STON2: variants seen among roughly 807,000 people sequenced by gnomAD.
STON2 encodes the protein stonin-2.
In STON2, 29 loss-of-function variants were observed where a neutral mutation model predicts 65.7. That is an observed-to-expected ratio of 0.44 (90% CI 0.33 to 0.60). The LOEUF (loss-of-function observed/expected upper bound fraction) is 0.60. Among genes scored for constraint, STON2 ranks in the 20% least tolerant of loss-of-function variants. The probability of loss-of-function intolerance (pLI) is 0.03; values close to 1 mark genes in which losing one functional copy is unlikely to be tolerated. For missense variants in STON2, 1,054 were observed against 1,118.1 expected (o/e 0.94, Z 0.82); for synonymous variants, 404 against 414.2 (o/e 0.98, Z 0.30).
chr14:81,369,710 T>C (rs903722301), intron 4 of STON2, among the ~76,000 whole-genome samples: 2 of 152,178 alleles, frequency 1.3e-5, no homozygotes, highest in Admixed American at 6.5e-5. Context: ...GAATCAGGGT[T>C]TGAACCTGAG....
chr14:81,322,678 AC>A (rs1896863793), intron 5 of STON2, among the ~76,000 whole-genome samples: 1 of 152,100 alleles, frequency 6.6e-6, no homozygotes, highest in Non-Finnish European at 1.5e-5. Context: ...AGGGGCATTC[AC>A]CCTAAGAGAG....
intron 5 of STON2, among the ~76,000 whole-genome samples, chr14:81,318,392 T>C (rs778899429): frequency 1.8e-4 from 27 of 152,164 alleles, no homozygotes; most frequent in Non-Finnish European, 3.1e-4. Context: ...TGGGTTATTC[T>C]AGGGTCCAGC....
intron 5 of STON2, among the ~76,000 whole-genome samples, chr14:81,289,940 A>G (rs1197979353): frequency 6.6e-6 from 1 of 152,194 alleles, no homozygotes; most frequent in Non-Finnish European, 1.5e-5. Flanking sequence ...TGCCTTAAAG[A>G]GAATGTCAAG....
chr14:81,436,284 G>C (rs541565135), intron 1 of STON2: 1 of 151,518 alleles, frequency 6.6e-6, no homozygotes, highest in Non-Finnish European at 1.5e-5. Context: ...CTTGGGGGGC[G>C]CGCTCGCCTC....
chr14:81,397,361 A>C (rs1900377700), intron 2 of STON2, among the ~76,000 whole-genome samples: 1 of 152,234 alleles, frequency 6.6e-6, no homozygotes, highest in African/African-American at 2.4e-5. Context: ...TATTTTAATA[A>C]TACACATTTC....
chr14:81,394,786 A>T (rs1358567379), intron 3 of STON2, among the ~76,000 whole-genome samples: 1 of 151,614 alleles, frequency 6.6e-6, no homozygotes, highest in African/African-American at 2.4e-5. Flanking sequence ...CAGGAAACAG[A>T]CTCTCCCCTA....
At chr14:81,373,593 G>A (rs1899105159) in intron 3 of STON2, among the ~76,000 whole-genome samples, 1 of 152,174 alleles carries the variant, frequency 6.6e-6, no homozygotes, top group South Asian at 2.1e-4. Context: ...AGAGTAAACA[G>A]AGGACACAAG....
At chr14:81,363,530 A>C (rs1249543288) in intron 4 of STON2, among the ~76,000 whole-genome samples, 1 of 152,160 alleles carries the variant, frequency 6.6e-6, no homozygotes, top group Non-Finnish European at 1.5e-5. Flanking sequence ...ATAAGGATTA[A>C]AATCTAAAAT....
chr14:81,330,361 T>C (rs1394965709), intron 4 of STON2, among the ~76,000 whole-genome samples: 2 of 152,164 alleles, frequency 1.3e-5, no homozygotes, highest in African/African-American at 4.8e-5. Context: ...GGCACTGAGC[T>C]GGACACTGTA....
At chr14:81,366,079 G>A (rs185887226) in intron 4 of STON2, among the ~76,000 whole-genome samples, 2 of 152,304 alleles carry the variant, frequency 1.3e-5, no homozygotes, top group East Asian at 1.9e-4. Context: ...CCTGCCATTC[G>A]CTCTTGAGAG....
rs547168724 is a variant in STON2 at position 81,368,535 on chromosome 14, G to A, written c.571+2453C>T. Among the ~76,000 whole-genome samples, 117 of 152,244 alleles carry A rather than the reference G, an allele frequency of 7.7e-4. 1 individual carries two copies. The highest frequency in any genetic ancestry group is 1.2e-3 in the Non-Finnish European group (83 of 68,014). On this transcript the variant is annotated intron_variant, in intron 4 of 7. Transcript: ENST00000614646. ...TTGAGATCAGCCTGACCAACATGGC[G>A]AAACTCTGTCTCTACTAAAATAACA...
chr14:81,275,433 C>T (rs1894775902), intron 6 of STON2, among the ~76,000 whole-genome samples: 1 of 152,026 alleles, frequency 6.6e-6, no homozygotes, highest in African/African-American at 2.4e-5. Context: ...TCCCTTCCAG[C>T]TTGAAAATCC....
chr14:81,379,948 G>T (rs1899435652), intron 3 of STON2, among the ~76,000 whole-genome samples: 1 of 152,152 alleles, frequency 6.6e-6, no homozygotes, highest in Non-Finnish European at 1.5e-5. Flanking sequence ...AAAACTTCAT[G>T]ACAAAGATTC....
chr14:81,360,059 C>A (rs189134033), intron 4 of STON2, among the ~76,000 whole-genome samples: 56 of 152,236 alleles, frequency 3.7e-4, no homozygotes, highest in Admixed American at 2.6e-3. Context: ...CCACTATACT[C>A]CAGCCTTGGC....
In STON2 at chr14:81,262,818, T is replaced by C; in HGVS notation, c.*5596A>G. ...TAGTTAATACATGGGAGAATATTAC[T>C]AATACATACATTTGTTTTCTACATT... On this transcript the variant is annotated 3_prime_UTR_variant, in exon 8 of 8. Transcript: ENST00000614646. 1 of 985,308 alleles carries C rather than the reference T, an allele frequency of 1.0e-6. No individual in the cohort carries two copies. 61.0% of individuals were successfully genotyped at this position (985,308 alleles called of 1,614,324 possible). A position where few individuals can be genotyped will look rare whatever the true frequency, so the allele number is the denominator to read the frequency against.
At chr14:81,360,906 A>G (rs899769078) in intron 4 of STON2, among the ~76,000 whole-genome samples, 1 of 152,152 alleles carries the variant, frequency 6.6e-6, no homozygotes, top group African/African-American at 2.4e-5. Flanking sequence ...TCAAGAGAAC[A>G]ATTCCATTTA....
At position 81,277,182 on chromosome 14, in the gene STON2, G is replaced by C. The variant is rs200265703; in HGVS notation, c.2300C>G (p.Ser767Ter). The C allele has an allele frequency of 6.2e-7, 1 of 1,614,230 alleles. No homozygotes were observed. Among genetic ancestry groups the C allele is most frequent in the Non-Finnish European group, 8.5e-7 (1 of 1,180,048 alleles). The change falls in exon 6 of 8, where the codon TCA becomes TGA. Residue 767 changes from serine to a stop codon, truncating the protein, a stop_gained. Coordinates refer to ENST00000614646, the MANE Select transcript of STON2 (RefSeq NM_001394390.1). LOFTEE classifies it high-confidence loss of function. ...EVEVQSWLRM[S>*]TGFSANRDPL... Reference sequence around the variant, plus strand: ...GTCACGATTGGCGGAGAAGCCAGTTGACATCCTCAGCCAGCTCTGCACCTC... The same window carrying C: ...GTCACGATTGGCGGAGAAGCCAGTTCACATCCTCAGCCAGCTCTGCACCTC...
At chr14:81,371,257 T>C in intron 3 of STON2, 72 bp from the exon 4 acceptor site, 1 of 1,388,052 alleles carries the variant, frequency 7.2e-7, no homozygotes, top group Non-Finnish European at 1.0e-6. Context: ...GTGCTTATCT[T>C]ACTTTGATGT....
chr14:81,279,346 G>T (rs538393683), intron 5 of STON2, among the ~76,000 whole-genome samples: 16 of 152,110 alleles, frequency 1.1e-4, no homozygotes, highest in South Asian at 2.1e-4. Context: ...TCATGAAAGA[G>T]AAACTAAAAA....
Sources: allele counts gnomAD v4.1 joint callset (sites outside exome capture counted in the v4.1 genomes callset), GRCh38; gene constraint gnomAD v4.1.1; transcripts MANE v1.5; gene names NCBI Gene and HGNC (gene_info 2026-07-23, HGNC 2026-07-21).